ANKMY1: variants seen among roughly 807,000 people sequenced by gnomAD.
ANKMY1 encodes ankyrin repeat and MYND domain containing 1.
ANKMY1 carries 98 observed loss-of-function variants against 102.0 expected under a neutral mutation model. That is an observed-to-expected ratio of 0.96 (90% CI 0.82 to 1.14). The LOEUF (loss-of-function observed/expected upper bound fraction) is 1.14. Ranked by LOEUF, ANKMY1 falls within the 50% of genes most tolerant of loss-of-function variation. The pLI, the probability that ANKMY1 is intolerant of heterozygous loss-of-function variation, is 0.00. For synonymous variants in ANKMY1, 582 were observed against 559.9 expected, an observed-to-expected ratio of 1.04 and a Z score of -0.56; for missense variants, 1,330 against 1,347.6, an observed-to-expected ratio of 0.99 and a Z score of 0.20.
intron 4 of ANKMY1, among the ~76,000 whole-genome samples, chr2:240,537,626 G>T (rs1310734299): frequency 1.3e-5 from 2 of 152,222 alleles, no homozygotes; most frequent in African/African-American, 2.4e-5. Flanking sequence ...CCACTCCCAA[G>T]TATCTTCCCA....
chr2:240,474,053 C>A, the ANKMY1 span, among the ~76,000 whole-genome samples: 1 of 151,900 alleles, frequency 6.6e-6, no homozygotes, highest in Non-Finnish European at 1.5e-5. Flanking sequence ...GCATCCACAT[C>A]AGAAAGGAGG....
chr2:240,526,366 T>A lies in ANKMY1; in HGVS notation c.1033A>T (p.Lys345Ter). 6.2e-7 allele frequency: 1 copy of A among 1,614,248 alleles called. No individual in the cohort carries two copies. Among genetic ancestry groups the A allele is most frequent in the Non-Finnish European group, 8.5e-7 (1 of 1,180,040 alleles). Reference protein sequence around the residue: ...KRSGFAPCGPKEQLSMEMILK... With the variant: ...KRSGFAPCGP Reference sequence around the variant, plus strand: ...ATCATCTCCATGGAAAGTTGCTCTTTGGGCCCACAGGGTGCAAAGCCACTG... The same window carrying A: ...ATCATCTCCATGGAAAGTTGCTCTTAGGGCCCACAGGGTGCAAAGCCACTG... The change falls in exon 6 of 18, where the codon AAA becomes TAA. Residue 345 changes from lysine (K) to a stop codon, truncating the protein, a stop_gained. Coordinates refer to ENST00000401804, the MANE Select transcript of ANKMY1 (RefSeq NM_001282771.3). LOFTEE classifies it high-confidence loss of function.
At chr2:240,527,129 TG>T (rs1386891162) in intron 5 of ANKMY1, 1 of 399,628 alleles carries the variant, frequency 2.5e-6, no homozygotes, top group Non-Finnish European at 3.3e-6. Flanking sequence ...GATGGATGGA[TG>T]GGTGGGTGGA....
chr2:240,539,804 A>G (rs1287295382), intron 4 of ANKMY1, among the ~76,000 whole-genome samples: 3 of 152,218 alleles, frequency 2.0e-5, no homozygotes, highest in Non-Finnish European at 4.4e-5. Flanking sequence ...AATCCCTCTG[A>G]ACAGACTGAA....
intron 4 of ANKMY1, chr2:240,552,667 C>CA (rs2091721586): frequency 5.7e-6 from 3 of 524,956 alleles, no homozygotes; most frequent in Admixed American, 3.2e-5. Context: ...TAAAAATAAA[C>CA]ACGTGCGTTT....
Position 240,529,043 on chromosome 2 carries a change from T to A in ANKMY1, c.947A>T (p.Lys316Met). 6.2e-7 allele frequency: 1 copy of A among 1,613,970 alleles called. No individual in the cohort carries two copies. The highest frequency in any genetic ancestry group is 8.5e-7 in the Non-Finnish European group (1 of 1,179,894). The change falls in exon 5 of 18, where the codon AAG becomes ATG. Residue 316 changes from lysine to methionine, a missense_variant. By Grantham distance (95) the Lys-to-Met change is moderately conservative. Transcript: ENST00000401804. The surrounding 1 kb of genome is among the most constrained non-coding windows in gnomAD (Gnocchi z 4.2). ...LLVKIQKQTY[K>M]FRNKPAHTSW... The stretch of plus-strand genomic sequence containing the variant: ...GCAGTAGCAGACTAGTCACCTGAAC[T>A]TGTAAGTTTGCTTCTGGATTTTGAC...
At chr2:240,503,661 C>T (rs749688133) in intron 13 of ANKMY1, among the ~76,000 whole-genome samples, 7 of 152,132 alleles carry the variant, frequency 4.6e-5, no homozygotes, top group South Asian at 2.1e-4. Context: ...CACCATGGGC[C>T]GAGGCCAAGA....
At chr2:240,477,322 A>C (rs983705392), downstream of ANKMY1, among the ~76,000 whole-genome samples, 1 of 152,344 alleles carries the variant, frequency 6.6e-6, no homozygotes, top group Middle Eastern at 3.4e-3. Flanking sequence ...GTCTCAAAAA[A>C]AATAATAAAA....
At chr2:240,560,836 T>G, upstream of ANKMY1, 1 of 1,401,410 alleles carries the variant, frequency 7.1e-7, no homozygotes, top group Non-Finnish European at 9.2e-7. Flanking sequence ...TGCGTCAACG[T>G]CTCCCGCCAG....
At chr2:240,484,568 AC>A (rs1271294072) in intron 15 of ANKMY1, among the ~76,000 whole-genome samples, 3 of 152,236 alleles carry the variant, frequency 2.0e-5, no homozygotes, top group Non-Finnish European at 4.4e-5. Context: ...TGGATTAAAG[AC>A]TTAAATGTAA....
chr2:240,559,157 C>T (rs1394551830), upstream of ANKMY1, among the ~76,000 whole-genome samples: 1 of 152,170 alleles, frequency 6.6e-6, no homozygotes, highest in Non-Finnish European at 1.5e-5. Context: ...GATGCAGAGA[C>T]ACTTAGGATG....
At chr2:240,556,809 G>T (rs1251702954) in intron 2 of ANKMY1, among the ~76,000 whole-genome samples, 1 of 152,168 alleles carries the variant, frequency 6.6e-6, no homozygotes, top group Admixed American at 6.5e-5. Flanking sequence ...GGACAAGCAC[G>T]ATGGGGTGAC....
Position 240,557,972 on chromosome 2 carries a change from G to A in ANKMY1, c.-109C>T, listed in dbSNP as rs943106804. The A allele has an allele frequency of 1.4e-5, 14 of 985,514 alleles. No homozygotes were observed. Among genetic ancestry groups the A allele is most frequent in the Admixed American group, 1.2e-4 (2 of 16,272 alleles). The allele number at this position is 985,514 out of a possible 1,614,324, so 61.0% of individuals were successfully genotyped here. ...GCCCGCGCTCCCGTCCCGACTGCTTGCCAGCCCTGCGCCTACGGAGAGCGT... is the reference window on the plus strand; with the variant it reads ...GCCCGCGCTCCCGTCCCGACTGCTTACCAGCCCTGCGCCTACGGAGAGCGT... On this transcript the variant is annotated 5_prime_UTR_variant, in exon 1 of 18. Coordinates refer to ENST00000401804, the MANE Select transcript of ANKMY1 (RefSeq NM_001282771.3).
chr2:240,502,758 C>T (rs1264859943), intron 13 of ANKMY1, among the ~76,000 whole-genome samples: 2 of 151,806 alleles, frequency 1.3e-5, no homozygotes, highest in African/African-American at 2.4e-5. Context: ...CCTCCCAAGC[C>T]CCCACATCTG....
At chr2:240,473,889 A>G in the ANKMY1 span, among the ~76,000 whole-genome samples, 1 of 152,252 alleles carries the variant, frequency 6.6e-6, no homozygotes, top group Non-Finnish European at 1.5e-5. Context: ...GACATATACA[A>G]CAAGCCTACA....
intron 15 of ANKMY1, among the ~76,000 whole-genome samples, chr2:240,495,854 T>A (rs1039186722): frequency 6.6e-6 from 1 of 152,170 alleles, no homozygotes; most frequent in African/African-American, 2.4e-5. Flanking sequence ...GGGAATTCAC[T>A]CCTGATGCCC....
At chr2:240,496,453 T>C (rs921673185) in intron 15 of ANKMY1, among the ~76,000 whole-genome samples, 1 of 152,154 alleles carries the variant, frequency 6.6e-6, no homozygotes, top group Admixed American at 6.5e-5. Flanking sequence ...GATCTCTTCA[T>C]TTCTCATCAT....
intron 15 of ANKMY1, among the ~76,000 whole-genome samples, chr2:240,496,989 T>A (rs1376417937): frequency 6.6e-6 from 1 of 152,252 alleles, no homozygotes; most frequent in East Asian, 1.9e-4. Context: ...TAGTTTCACC[T>A]ATATTTCCAG....
intron 12 of ANKMY1, among the ~76,000 whole-genome samples, chr2:240,508,313 A>T (rs1483929408): frequency 6.6e-6 from 1 of 152,236 alleles, no homozygotes; most frequent in Non-Finnish European, 1.5e-5. Context: ...CCTGCCTCTA[A>T]CAGGGCCTAG....
Sources: gnomAD v4.1 joint callset for allele counts (sites outside exome capture counted in the v4.1 genomes callset) on GRCh38, gnomAD v4.1.1 for gene constraint, Gnocchi (gnomAD v3.1) non-coding constraint, MANE v1.5 for transcripts, NCBI Gene and HGNC (gene_info 2026-07-23, HGNC 2026-07-21) for gene names.